The following KDM2A variants were observed in gnomAD, a reference collection of about 807,000 sequenced individuals.
KDM2A encodes lysine-specific demethylase 2A.
A neutral mutation model predicts 137.3 loss-of-function variants in KDM2A; 3 were observed. The ratio of observed to expected loss-of-function variants is 0.02; its 90% CI spans 0.01 to 0.06. The LOEUF is 0.06. Among genes scored for constraint, KDM2A ranks in the 10% least tolerant of loss-of-function variants. The pLI, the probability that KDM2A is intolerant of heterozygous loss-of-function variation, is 1.00. For missense variants in KDM2A, 738 were observed against 1,510.6 expected, an observed-to-expected ratio of 0.49 and a Z score of 8.48; for synonymous variants, 512 against 541.5, an observed-to-expected ratio of 0.95 and a Z score of 0.76.
rs1859468464 is a variant in KDM2A at position 67,252,678 on chromosome 11, T to G, written c.2769-16T>G. 3 of 1,613,932 alleles carry G rather than the reference T, an allele frequency of 1.9e-6. No individual in the cohort carries two copies. Among genetic ancestry groups the G allele is most frequent in the Non-Finnish European group, 2.5e-6 (3 of 1,179,866 alleles). On this transcript the variant is annotated splice_polypyrimidine_tract_variant and intron_variant, in intron 17 of 20. Transcript: ENST00000529006. ...ATCAAGTTAATGAAGGCGAGTTCTC[T>G]TCCCTTCTATCACAGGTGCTGCGAC...
intron 5 of KDM2A, among the ~76,000 whole-genome samples, chr11:67,202,083 T>A (rs1590778806): frequency 6.6e-6 from 1 of 152,146 alleles, no homozygotes; most frequent in Admixed American, 6.6e-5. Flanking sequence ...GTTCAAGACT[T>A]CAGTGGAGGA....
chr11:67,144,798 T>A (rs1302495402), intron 2 of KDM2A, among the ~76,000 whole-genome samples: 1 of 151,676 alleles, frequency 6.6e-6, no homozygotes, highest in Non-Finnish European at 1.5e-5. Context: ...ACTCCTGGCC[T>A]CAAGTGATCC....
rs753029260 is a variant in KDM2A, at chr11:67,254,240, C to T, written c.3129C>T (p.Asp1043=). The change falls in exon 20 of 21, where the codon GAC becomes GAT. Residue 1043 remains aspartate (D), a synonymous_variant. Transcript: ENST00000529006. The surrounding 1 kb of genome is among the most constrained non-coding windows in gnomAD (Gnocchi z 4.7). ...DNRSKLRNMT[D]FRLAGLDITD... is the part of the protein sequence containing the mutation. ...GCAGCAAGCTCCGGAACATGACCGA[C>T]TTCCGGCTGGCAGGCCTTGACATCA... 4.3e-6 allele frequency: 7 copies of T among 1,614,058 alleles called. No homozygotes were observed. In the East Asian group the frequency reaches 1.3e-4, roughly 31 times the overall value.
intron 5 of KDM2A, among the ~76,000 whole-genome samples, chr11:67,191,454 A>G (rs914866101): frequency 1.3e-4 from 20 of 152,234 alleles, no homozygotes; most frequent in African/African-American, 4.8e-4. Flanking sequence ...TCAACAAAAT[A>G]CTTGCATACT....
Position 67,245,151 on chromosome 11 carries a change from A to C in KDM2A, c.1564-38A>C. On this transcript the variant is annotated intron_variant, in intron 13 of 20. Coordinates refer to ENST00000529006, the MANE Select transcript of KDM2A (RefSeq NM_012308.3). The surrounding 1 kb of genome is among the most constrained non-coding windows in gnomAD (Gnocchi z 4.1). ...CTTCTACCCTATCCAGTCTTAAAGC[A>C]ACCTGATATATTTGACCTCACTGCT... is the stretch of plus-strand genomic sequence containing the variant. 6.2e-7 allele frequency: 1 copy of C among 1,603,448 alleles called. No individual in the cohort carries two copies.
At position 67,255,354 on chromosome 11, in the gene KDM2A, T is replaced by C; in HGVS notation, c.*299T>C. ...GCCTGCCAGGAGGCCGGGCTCTCAG[T>C]TTGGGGTGTTTGTGCAACCTTCATC... On this transcript the variant is annotated 3_prime_UTR_variant, in exon 21 of 21. Transcript: ENST00000529006. 1 of 467,338 alleles carries C rather than the reference T, an allele frequency of 2.1e-6. No individual in the cohort carries two copies. The highest frequency in any genetic ancestry group is 4.1e-6 in the Non-Finnish European group (1 of 244,890). The allele number at this position is 467,338 out of a possible 1,614,324, so 28.9% of individuals were successfully genotyped here.
At chr11:67,141,683 ATAT>A (rs370175720) in intron 2 of KDM2A, among the ~76,000 whole-genome samples, 8,914 of 88,308 alleles carry the variant, frequency 0.1, 572 homozygotes, top group Non-Finnish European at 0.12. Flanking sequence ...AAAAAAAAAA[ATAT>A]ATATATATAT....
chr11:67,163,854 T>TAA (rs200466687), intron 2 of KDM2A, among the ~76,000 whole-genome samples: 9 of 138,636 alleles, frequency 6.5e-5, no homozygotes, highest in Admixed American at 1.5e-4. Context: ...CACTCCATCT[T>TAA]AAAAAAAAAA....
At position 67,122,024 on chromosome 11, in the gene KDM2A, G is replaced by T. The variant is rs545146968; in HGVS notation, c.42+666G>T. ...CTTTAAGCCATGCTTTCCTCGTAAG[G>T]TTTCCCTATTGGAGTTTTAAGAATT... On this transcript the variant is annotated intron_variant, in intron 2 of 20. Coordinates refer to ENST00000529006, the MANE Select transcript of KDM2A (RefSeq NM_012308.3). Among the ~76,000 whole-genome samples, 7 of 152,264 alleles carry T rather than the reference G, an allele frequency of 4.6e-5. No individual in the cohort carries two copies. The South Asian group carries it at 1.0e-3, about 22-fold the overall frequency.
At chr11:67,220,217 G>T (rs1371368497) in intron 10 of KDM2A, among the ~76,000 whole-genome samples, 1 of 151,942 alleles carries the variant, frequency 6.6e-6, no homozygotes, top group South Asian at 2.1e-4. Flanking sequence ...TTGCTGTGTT[G>T]CCCAGGCTTG....
chr11:67,224,456 CCT>C (rs1491488571), intron 10 of KDM2A, among the ~76,000 whole-genome samples: 1 of 125,236 alleles, frequency 8.0e-6, no homozygotes, highest in East Asian at 2.3e-4. Context: ...AAAATTAACC[CCT>C]TTCTTTTTTT....
intron 10 of KDM2A, among the ~76,000 whole-genome samples, chr11:67,225,672 A>G (rs2136415064): frequency 6.6e-6 from 1 of 152,328 alleles, no homozygotes; most frequent in South Asian, 2.1e-4. Context: ...CGGGAGGCTG[A>G]GGCAGGAAAA....
At chr11:67,234,532 A>G (rs763631387) in intron 12 of KDM2A, among the ~76,000 whole-genome samples, 1 of 152,226 alleles carries the variant, frequency 6.6e-6, no homozygotes, top group Non-Finnish European at 1.5e-5. Context: ...GTCATAGAAT[A>G]TAGAGTTGGA....
chr11:67,146,711 T>G (rs1469896498), intron 2 of KDM2A, among the ~76,000 whole-genome samples: 4 of 152,080 alleles, frequency 2.6e-5, no homozygotes, highest in Non-Finnish European at 5.9e-5. Flanking sequence ...GGTTTTGATG[T>G]GTTGCCCAGA....
chr11:67,133,023 A>C (rs1855886959), intron 2 of KDM2A, among the ~76,000 whole-genome samples: 1 of 152,242 alleles, frequency 6.6e-6, no homozygotes, highest in African/African-American at 2.4e-5. Flanking sequence ...GTTATGATAG[A>C]GAAGAGTACT....
At chr11:67,210,253 T>G (rs1160249824) in intron 6 of KDM2A, among the ~76,000 whole-genome samples, 1 of 151,828 alleles carries the variant, frequency 6.6e-6, no homozygotes, top group African/African-American at 2.4e-5. Context: ...TCCCAGCTAC[T>G]CAGGGGGTTG....
intron 12 of KDM2A, among the ~76,000 whole-genome samples, chr11:67,238,365 T>C (rs1435707507): frequency 6.6e-6 from 1 of 152,208 alleles, no homozygotes; most frequent in African/African-American, 2.4e-5. Context: ...ATTCATACTT[T>C]ACTATCTCTA....
intron 2 of KDM2A, among the ~76,000 whole-genome samples, chr11:67,157,616 G>T (rs532835984): frequency 6.6e-6 from 1 of 151,630 alleles, no homozygotes; most frequent in Non-Finnish European, 1.5e-5. Flanking sequence ...ACAGTGGCAC[G>T]CGCCTGAAAT....
chr11:67,207,746 G>A (rs1857851332), intron 6 of KDM2A, 58 bp downstream of exon 6: 6 of 1,370,052 alleles, frequency 4.4e-6, no homozygotes, highest in Non-Finnish European at 5.9e-6. Context: ...GTTTTCGGCT[G>A]GACGTTGGTA....
Sources: allele counts gnomAD v4.1 joint callset (sites outside exome capture counted in the v4.1 genomes callset), GRCh38; gene constraint gnomAD v4.1.1; non-coding constraint Gnocchi (gnomAD v3.1); transcripts MANE v1.5; gene names NCBI Gene and HGNC (gene_info 2026-07-23, HGNC 2026-07-21).